Variants in FOXP4 observed in about 807,000 individuals in gnomAD.
The protein encoded by FOXP4 is forkhead box P4, also known as forkhead box protein P4.
In FOXP4, 25 loss-of-function variants were observed where a neutral mutation model predicts 82.6. The observed-to-expected ratio is 0.30, with a 90% CI of 0.22 to 0.42. FOXP4 has a LOEUF of 0.42. FOXP4 is among the 10% of genes least tolerant of loss of function. The probability of loss-of-function intolerance (pLI) is 1.00; values close to 1 mark genes in which losing one functional copy is unlikely to be tolerated. For missense variants in FOXP4, 785 were observed against 900.9 expected (o/e 0.87, Z 1.65); for synonymous variants, 415 against 388.2 (o/e 1.07, Z -0.81).
chr6:41,556,383 G>T (rs1764277488), intron 1 of FOXP4, among the ~76,000 whole-genome samples: 1 of 151,276 alleles, frequency 6.6e-6, no homozygotes, highest in African/African-American at 2.4e-5. Flanking sequence ...GAGTGCAGTG[G>T]CGTCATCTTG....
intron 14 of FOXP4, among the ~76,000 whole-genome samples, chr6:41,595,348 C>T (rs1418929477): frequency 3.9e-5 from 6 of 151,978 alleles, no homozygotes; most frequent in Admixed American, 3.9e-4. Context: ...GGCTGCCACC[C>T]CCAGGGCACC....
At chr6:41,592,003 G>GTGTC (rs981868010) in intron 13 of FOXP4, among the ~76,000 whole-genome samples, 7 of 151,930 alleles carry the variant, frequency 4.6e-5, no homozygotes, top group East Asian at 1.9e-4. Flanking sequence ...GTGTGTGTGT[G>GTGTC]TGTCTGTCTG....
At chr6:41,568,630 G>A (rs75767832) in intron 2 of FOXP4, among the ~76,000 whole-genome samples, 3 of 152,168 alleles carry the variant, frequency 2.0e-5, no homozygotes, top group Non-Finnish European at 2.9e-5. Flanking sequence ...CTGCAAACTC[G>A]ATAGGAAGTG....
rs767826727 is a variant in FOXP4 at position 41,585,556 on chromosome 6, C to T, written c.510+39C>T. The stretch of plus-strand genomic sequence containing the variant: ...CCAGGGCCCACCACCGCCCTCACCC[C>T]CTGCCCAGAGCTGGGTGTCCAGAGC... On this transcript the variant is annotated intron_variant, in intron 5 of 16. Coordinates refer to ENST00000307972, the MANE Select transcript of FOXP4 (RefSeq NM_001012426.2). 5.7e-6 allele frequency: 9 copies of T among 1,590,078 alleles called. No homozygotes were observed. The African/African-American group carries it at 1.2e-4, about 21-fold the overall frequency.
In FOXP4 at chr6:41,565,947, C is replaced by T. The variant is rs779276730; in HGVS notation, c.187C>T (p.His63Tyr). ...NGEMSPAELL[H>Y]FQQQQALQVA... is the part of the protein sequence containing the mutation. ...TGAGATGAGTCCCGCAGAGCTGCTG[C>T]ACTTCCAGCAGCAACAGGTAGGAAC... Residue 63 changes from histidine (H) to tyrosine (Y), a missense_variant, in exon 2 of 17, where the codon CAC becomes TAC. Around this residue, in one of 3 missense-constraint regions of FOXP4, gnomAD observed 570 missense variants for 634.0 expected, o/e 0.90. Transcript: ENST00000307972. The T allele has an allele frequency of 6.2e-7, 1 of 1,613,338 alleles. No individual in the cohort carries two copies. The highest frequency in any genetic ancestry group is 1.1e-5 in the South Asian group (1 of 90,990).
chr6:41,586,896 C>G (rs1230329720), intron 5 of FOXP4, 113 bp from the exon 6 acceptor site: 2 of 1,438,602 alleles, frequency 1.4e-6, no homozygotes, highest in East Asian at 4.9e-5. Flanking sequence ...GCCACAACGA[C>G]AGCTCCAGGG....
intron 3 of FOXP4, among the ~76,000 whole-genome samples, chr6:41,582,448 T>G (rs1329627601): frequency 6.6e-6 from 1 of 152,240 alleles, no homozygotes. Flanking sequence ...AAAGTGAGGC[T>G]TGGTGATTTC....
chr6:41,562,734 A>G (rs544714761), intron 1 of FOXP4, among the ~76,000 whole-genome samples: 3 of 152,306 alleles, frequency 2.0e-5, no homozygotes, highest in Admixed American at 6.5e-5. Context: ...CAGATCTCAG[A>G]GAAGCTAGAC....
At chr6:41,582,780 C>T (rs779252156) in intron 3 of FOXP4, among the ~76,000 whole-genome samples, 1 of 152,132 alleles carries the variant, frequency 6.6e-6, no homozygotes, top group Non-Finnish European at 1.5e-5. Context: ...TAGGATACAA[C>T]CGTAGAGTAG....
intron 2 of FOXP4, among the ~76,000 whole-genome samples, chr6:41,566,357 G>A (rs185677024): frequency 6.6e-6 from 1 of 152,210 alleles, no homozygotes; most frequent in East Asian, 1.9e-4. Context: ...AGAGGGTGCT[G>A]TGCACACAGG....
chr6:41,565,491 C>T (rs1399453605), intron 1 of FOXP4, among the ~76,000 whole-genome samples: 1 of 152,204 alleles, frequency 6.6e-6, no homozygotes, highest in African/African-American at 2.4e-5. Context: ...TTGTCTCCTC[C>T]CTTCCCCACC....
intron 1 of FOXP4, among the ~76,000 whole-genome samples, chr6:41,551,298 C>T (rs1404286772): frequency 2.0e-5 from 3 of 152,182 alleles, no homozygotes; most frequent in Non-Finnish European, 2.9e-5. Flanking sequence ...GTGTGTCGCC[C>T]GGGCTGGACA....
chr6:41,588,502 GT>G (rs1264319253), intron 8 of FOXP4, 141 bp from the exon 9 acceptor site: 11 of 808,504 alleles, frequency 1.4e-5, no homozygotes, highest in Non-Finnish European at 2.1e-5. Flanking sequence ...CCATTGCCCC[GT>G]TTTTCCACCT....
chr6:41,569,671 G>A lies in FOXP4; in HGVS notation c.204+3707G>A, dbSNP rs890455711. On this transcript the variant is annotated intron_variant, in intron 2 of 16. Transcript: ENST00000307972. ...GGAGGCAGGCAGAGCCGCTGGCGGC[G>A]GTGCTGAGGCCACGCTGAAAGGCGT... Among the ~76,000 whole-genome samples the A allele has an allele frequency of 2.6e-5, 4 of 152,186 alleles. No homozygotes were observed. The South Asian group carries it at 8.3e-4, about 32-fold the overall frequency.
At chr6:41,564,728 G>C (rs550213381) in intron 1 of FOXP4, among the ~76,000 whole-genome samples, 1 of 152,286 alleles carries the variant, frequency 6.6e-6, no homozygotes, top group South Asian at 2.1e-4. Flanking sequence ...TGGTTCCTAT[G>C]GAGAGTGAGT....
At chr6:41,580,894 C>T (rs1765761687) in intron 3 of FOXP4, among the ~76,000 whole-genome samples, 2 of 152,366 alleles carry the variant, frequency 1.3e-5, no homozygotes, top group Non-Finnish European at 2.9e-5. Flanking sequence ...TTCACCATCC[C>T]TCTCCTCCAG....
chr6:41,571,192 G>A (rs1233661204), intron 2 of FOXP4, among the ~76,000 whole-genome samples: 2 of 152,178 alleles, frequency 1.3e-5, no homozygotes, highest in African/African-American at 4.8e-5. Flanking sequence ...CTTGCTGGAG[G>A]TCAGAGAGTT....
intron 16 of FOXP4, 23 bp from the exon 17 acceptor site, chr6:41,598,766 C>G (rs1308336996): frequency 2.6e-6 from 4 of 1,551,174 alleles, no homozygotes; most frequent in Non-Finnish European, 3.5e-6. Context: ...CCGCCTGGTG[C>G]CCATGCCATA....
intron 1 of FOXP4, among the ~76,000 whole-genome samples, chr6:41,551,676 A>G (rs1162495525): frequency 6.6e-6 from 1 of 152,222 alleles, no homozygotes; most frequent in African/African-American, 2.4e-5. Context: ...AACAGTATGT[A>G]GAATAGAGAC....
Sources: gnomAD v4.1 joint callset for allele counts (sites outside exome capture counted in the v4.1 genomes callset) on GRCh38, gnomAD v4.1.1 for gene constraint, gnomAD v4.1.1 regional missense constraint, MANE v1.5 for transcripts, NCBI Gene and HGNC (gene_info 2026-07-23, HGNC 2026-07-21) for gene names.